FAM193A: variants seen among roughly 807,000 people sequenced by gnomAD.
The protein encoded by FAM193A is protein FAM193A.
In FAM193A, 22 loss-of-function variants were observed where a neutral mutation model predicts 126.5. The observed-to-expected ratio is 0.17, with a 90% CI of 0.12 to 0.25. FAM193A has a LOEUF of 0.25. FAM193A is among the 10% of genes least tolerant of loss of function. The pLI is 1.00. For synonymous variants in FAM193A, 761 were observed against 646.8 expected (o/e 1.18, Z -2.68); for missense variants, 1,675 against 1,672.8 (o/e 1.00, Z -0.02).
chr4:2,667,692 G>T (rs1713277732), intron 12 of FAM193A, among the ~76,000 whole-genome samples: 1 of 151,910 alleles, frequency 6.6e-6, no homozygotes, highest in Non-Finnish European at 1.5e-5. Flanking sequence ...TCTAAAATTT[G>T]TCTAACATCT....
intron 1 of FAM193A, among the ~76,000 whole-genome samples, chr4:2,549,373 T>C (rs1578572249): frequency 6.6e-6 from 1 of 151,480 alleles, no homozygotes; most frequent in South Asian, 2.1e-4. Context: ...ACGATTTTTT[T>C]CCCTCTATGT....
chr4:2,637,864 A>T (rs1744240718), intron 5 of FAM193A, among the ~76,000 whole-genome samples: 1 of 152,246 alleles, frequency 6.6e-6, no homozygotes, highest in Admixed American at 6.5e-5. Context: ...AGGTGTTAAC[A>T]TGTGTTCCTT....
upstream of FAM193A, among the ~76,000 whole-genome samples, chr4:2,536,286 C>G (rs1033727845): frequency 6.6e-6 from 1 of 151,688 alleles, no homozygotes; most frequent in Admixed American, 6.6e-5. Flanking sequence ...TACGCCCGAC[C>G]ACAACGCCCA....
chr4:2,627,279 G>A (rs1013256140), intron 4 of FAM193A, among the ~76,000 whole-genome samples: 7 of 150,358 alleles, frequency 4.7e-5, no homozygotes, highest in African/African-American at 1.7e-4. Flanking sequence ...TTATGTCTCA[G>A]CCTCCAGAGT....
chr4:2,580,277 T>C (rs923456396), intron 1 of FAM193A, among the ~76,000 whole-genome samples: 4 of 151,974 alleles, frequency 2.6e-5, no homozygotes, highest in Non-Finnish European at 4.4e-5. Context: ...TTATAGCCGA[T>C]GAGAACACAT....
chr4:2,627,659 C>T (rs1743111654), intron 4 of FAM193A, among the ~76,000 whole-genome samples: 1 of 147,326 alleles, frequency 6.8e-6, no homozygotes, highest in Non-Finnish European at 1.5e-5. Flanking sequence ...CTCACTGCAA[C>T]CTCTGCTGCC....
intron 1 of FAM193A, among the ~76,000 whole-genome samples, chr4:2,586,251 A>AT (rs1740230538): frequency 1.3e-5 from 2 of 150,988 alleles, no homozygotes; most frequent in South Asian, 2.1e-4. Flanking sequence ...TCTCAAAAAA[A>AT]AAAATATATA....
chr4:2,612,711 C>T (rs1171130603), intron 2 of FAM193A, among the ~76,000 whole-genome samples: 1 of 152,028 alleles, frequency 6.6e-6, no homozygotes, highest in Non-Finnish European at 1.5e-5. Context: ...ACCTTGGGAC[C>T]TTTGTCAAAA....
intron 1 of FAM193A, among the ~76,000 whole-genome samples, chr4:2,560,189 C>G (rs572994680): frequency 2.6e-5 from 4 of 152,080 alleles, no homozygotes; most frequent in African/African-American, 9.7e-5. Context: ...GTGATCCACC[C>G]GCCTCGGCCT....
Position 2,659,796 on chromosome 4 carries a change from C to A in FAM193A, c.1503-16C>A, listed in dbSNP as rs1712185675. 1.9e-6 allele frequency: 3 copies of A among 1,613,980 alleles called. No individual in the cohort carries two copies. Among genetic ancestry groups the A allele is most frequent in the African/African-American group, 1.3e-5 (1 of 74,902 alleles). On this transcript the variant is annotated splice_polypyrimidine_tract_variant and intron_variant, in intron 9 of 20. Coordinates refer to ENST00000637812, the MANE Select transcript of FAM193A (RefSeq NM_001366318.2). ...TGCATTGGTTGGCTTGGTAACTGTC[C>A]TTAATTCCTGATCAGATGTGCTTGC...
At chr4:2,675,554 A>G (rs1389501846) in intron 13 of FAM193A, among the ~76,000 whole-genome samples, 1 of 152,228 alleles carries the variant, frequency 6.6e-6, no homozygotes, top group Non-Finnish European at 1.5e-5. Context: ...GCCTGAAATT[A>G]ATATAGCTCC....
chr4:2,640,924 C>A (rs1744557278), intron 6 of FAM193A, among the ~76,000 whole-genome samples: 1 of 151,028 alleles, frequency 6.6e-6, no homozygotes, highest in African/African-American at 2.4e-5. Context: ...AAGAGTGCAC[C>A]ACTGCACTCT....
At chr4:2,541,755 ATTGAG>A (rs1342073245) in intron 1 of FAM193A, among the ~76,000 whole-genome samples, 1 of 151,630 alleles carries the variant, frequency 6.6e-6, no homozygotes, top group Non-Finnish European at 1.5e-5. Context: ...ATTGTGTACT[ATTGAG>A]TTGTGTGCTG....
intron 1 of FAM193A, among the ~76,000 whole-genome samples, chr4:2,576,243 GC>G (rs1313371802): frequency 7.2e-5 from 11 of 152,062 alleles, no homozygotes; most frequent in Non-Finnish European, 1.5e-5. Flanking sequence ...GATTACAGGT[GC>G]CCCCCACCAC....
intron 2 of FAM193A, among the ~76,000 whole-genome samples, chr4:2,611,515 C>T (rs1199417980): frequency 6.6e-6 from 1 of 152,056 alleles, no homozygotes; most frequent in East Asian, 1.9e-4. Context: ...CTCAGGTGAT[C>T]CACCCGCCTC....
At chr4:2,562,952 T>C (rs966435366) in intron 1 of FAM193A, among the ~76,000 whole-genome samples, 2 of 151,210 alleles carry the variant, frequency 1.3e-5, no homozygotes, top group South Asian at 4.2e-4. Context: ...CTTTCTTTTT[T>C]TTGTTTTTTT....
intron 6 of FAM193A, among the ~76,000 whole-genome samples, chr4:2,646,353 G>T (rs1266908845): frequency 6.6e-6 from 1 of 151,674 alleles, no homozygotes; most frequent in African/African-American, 2.4e-5. Flanking sequence ...TGTATTTTTA[G>T]TAGAGATGGG....
intron 1 of FAM193A, among the ~76,000 whole-genome samples, chr4:2,585,023 C>T (rs895935586): frequency 2.0e-5 from 3 of 152,076 alleles, no homozygotes; most frequent in Non-Finnish European, 2.9e-5. Context: ...ATACTGAATA[C>T]GGTATATAAC....
At position 2,663,142 on chromosome 4, in the gene FAM193A, T is replaced by G; in HGVS notation, c.1933T>G (p.Ser645Ala). 1 of 1,614,146 alleles carries G rather than the reference T, an allele frequency of 6.2e-7. No homozygotes were observed. The highest frequency in any genetic ancestry group is 8.5e-7 in the Non-Finnish European group (1 of 1,180,010). The stretch of plus-strand genomic sequence containing the variant: ...GATAAGCAGTACCAGCAGTAGTTCC[T>G]CAGAAGCTGATGATGAAGAAGCGGA... The part of the protein sequence containing the change: ...PQISSTSSSS[S>A]EADDEEADGE... Residue 645 changes from serine (S) to alanine (A), a missense_variant, in exon 12 of 21, where the codon TCA (serine) becomes GCA (alanine). This residue lies in a region of FAM193A where 1,186 missense variants were observed against 1,109.2 expected (regional missense o/e 1.07). Transcript: ENST00000637812.
Sources: allele counts gnomAD v4.1 joint callset (sites outside exome capture counted in the v4.1 genomes callset), GRCh38; gene constraint gnomAD v4.1.1; regional missense constraint gnomAD v4.1.1; transcripts MANE v1.5; gene names NCBI Gene and HGNC (gene_info 2026-07-23, HGNC 2026-07-21).